The following CFAP44 variants were observed in gnomAD, a reference collection of about 807,000 sequenced individuals.
CFAP44 encodes the protein cilia- and flagella-associated protein 44.
In CFAP44, 134 loss-of-function variants were observed where a neutral mutation model predicts 216.2. The ratio of observed to expected loss-of-function variants is 0.62; its 90% CI spans 0.54 to 0.72. The LOEUF (loss-of-function observed/expected upper bound fraction) is 0.72, where lower values mean the gene tolerates loss of function less well. CFAP44 is among the 30% of genes least tolerant of loss of function. CFAP44 has a pLI of 0.00. For synonymous variants in CFAP44, 700 were observed against 727.6 expected (o/e 0.96, Z 0.61); for missense variants, 2,035 against 2,182.1 (o/e 0.93, Z 1.34).
intron 6 of CFAP44, among the ~76,000 whole-genome samples, chr3:113,410,080 C>T (rs939265385): frequency 6.6e-6 from 1 of 152,160 alleles, no homozygotes; most frequent in African/African-American, 2.4e-5. Flanking sequence ...CTCAGCCAAG[C>T]AGCCCAAGCC....
At chr3:113,384,955 T>G (rs557072440) in intron 15 of CFAP44, among the ~76,000 whole-genome samples, 1 of 152,320 alleles carries the variant, frequency 6.6e-6, no homozygotes, top group African/African-American at 2.4e-5. Flanking sequence ...AGTTTCATCT[T>G]GAATTGTAGC....
intron 15 of CFAP44, among the ~76,000 whole-genome samples, chr3:113,393,619 G>A (rs943355533): frequency 2.2e-4 from 34 of 152,066 alleles, no homozygotes; most frequent in African/African-American, 8.0e-4. Flanking sequence ...AGCCTCAAGC[G>A]ATCCTCCCAC....
At chr3:113,408,989 A>T in intron 7 of CFAP44, 117 bp downstream of exon 7, 1 of 678,062 alleles carries the variant, frequency 1.5e-6, no homozygotes, top group Non-Finnish European at 2.3e-6. Flanking sequence ...AAATAATTCT[A>T]ATGTTAACCA....
intron 32 of CFAP44, 127 bp downstream of exon 32, chr3:113,303,789 T>A: frequency 1.0e-6 from 1 of 1,004,556 alleles, no homozygotes; most frequent in Non-Finnish European, 1.4e-6. Context: ...TGTTGTGGTG[T>A]TCTTGTTTCC....
intron 28 of CFAP44, among the ~76,000 whole-genome samples, chr3:113,309,556 A>G (rs1360225095): frequency 2.0e-5 from 3 of 152,132 alleles, no homozygotes; most frequent in Admixed American, 6.5e-5. Context: ...TGAACACAAA[A>G]ATACATCTGT....
At position 113,303,963 on chromosome 3, in the gene CFAP44, C is replaced by G. The variant is rs997360208; in HGVS notation, c.5030G>C (p.Arg1677Pro). ...TCTCTTTTCTCGGATGAGCTGTTTA[C>G]GTCTCTCTCTCCATTCTTTGTTAAG... ...QKLNKEWRER[R>P]KQLIREKREM... The change falls in exon 32 of 35, where the codon CGT (arginine) becomes CCT (proline). Residue 1677 changes from arginine to proline, a missense_variant. Transcript: ENST00000393845. 6.5e-7 allele frequency: 1 copy of G among 1,537,734 alleles called. No homozygotes were observed. The highest frequency in any genetic ancestry group is 8.7e-7 in the Non-Finnish European group (1 of 1,147,026).
chr3:113,406,885 G>A, intron 8 of CFAP44, 42 bp downstream of exon 8: 1 of 1,476,182 alleles, frequency 6.8e-7, no homozygotes, highest in Non-Finnish European at 9.4e-7. Context: ...ATATGTACTT[G>A]AAAACACAAT....
chr3:113,433,542 G>A (rs748565207), intron 2 of CFAP44, 23 bp downstream of exon 2: 1 of 1,408,202 alleles, frequency 7.1e-7, no homozygotes, highest in Admixed American at 1.8e-5. Context: ...ACTTTTAAAA[G>A]TATACATATT....
intron 24 of CFAP44, among the ~76,000 whole-genome samples, chr3:113,334,142 G>C (rs970137726): frequency 3.3e-5 from 5 of 151,990 alleles, no homozygotes; most frequent in Non-Finnish European, 7.4e-5. Context: ...AGTAGAGACG[G>C]GGTTTCATCA....
intron 27 of CFAP44, among the ~76,000 whole-genome samples, chr3:113,327,074 ACTAT>A (rs1230223049): frequency 6.6e-6 from 1 of 152,152 alleles, no homozygotes; most frequent in African/African-American, 2.4e-5. Flanking sequence ...TTTAGCATAT[ACTAT>A]CTGTTTAATA....
At chr3:113,374,851 G>A (rs935971255) in intron 17 of CFAP44, among the ~76,000 whole-genome samples, 1 of 152,124 alleles carries the variant, frequency 6.6e-6, no homozygotes, top group Non-Finnish European at 1.5e-5. Flanking sequence ...GGCCAGGCTG[G>A]TCTGGAACTC....
chr3:113,369,743 G>A (rs1933085501), intron 18 of CFAP44, among the ~76,000 whole-genome samples: 1 of 151,806 alleles, frequency 6.6e-6, no homozygotes, highest in Admixed American at 6.6e-5. Flanking sequence ...CAGAACTGAA[G>A]GAGATAGAGA....
chr3:113,351,830 A>G (rs965379337), intron 22 of CFAP44, among the ~76,000 whole-genome samples: 2 of 152,172 alleles, frequency 1.3e-5, no homozygotes, highest in African/African-American at 4.8e-5. Flanking sequence ...TGTTTCCTCC[A>G]GAATCGATGC....
intron 18 of CFAP44, among the ~76,000 whole-genome samples, chr3:113,369,247 T>C (rs539257257): frequency 7.9e-5 from 12 of 152,268 alleles, no homozygotes; most frequent in Admixed American, 5.9e-4. Flanking sequence ...TAGACATCTA[T>C]AGAACTCTCC....
chr3:113,356,299 T>A (rs1235170014), intron 22 of CFAP44, among the ~76,000 whole-genome samples: 2 of 151,886 alleles, frequency 1.3e-5, no homozygotes, highest in African/African-American at 2.4e-5. Flanking sequence ...AATAGGAATT[T>A]ATTTCTTAAT....
chr3:113,419,449 C>T (rs1186940070), intron 5 of CFAP44, among the ~76,000 whole-genome samples: 1 of 152,114 alleles, frequency 6.6e-6, no homozygotes, highest in East Asian at 1.9e-4. Context: ...TATTGCTGAA[C>T]TTATTAATTA....
rs1042827628 is a variant in CFAP44, at chr3:113,305,304, A to G, written c.4759-152T>C. On this transcript the variant is annotated intron_variant, in intron 30 of 34. Coordinates refer to ENST00000393845, the MANE Select transcript of CFAP44 (RefSeq NM_001164496.2). ...AGTGCATGATCCCAGTTTGCAACTC[A>G]GGAATGCATATTATTTTCTTTCTGC... is the stretch of plus-strand genomic sequence containing the variant. Among the ~76,000 whole-genome samples, 4 of 152,230 alleles carry G rather than the reference A, an allele frequency of 2.6e-5. No individual in the cohort carries two copies. The East Asian group carries it at 7.7e-4, about 29-fold the overall frequency.
chr3:113,343,031 C>A (rs1371681564), intron 23 of CFAP44, among the ~76,000 whole-genome samples: 2 of 147,636 alleles, frequency 1.4e-5, no homozygotes, highest in Non-Finnish European at 3.0e-5. Context: ...GCTGTATCAA[C>A]TAACAAGTTT....
chr3:113,311,630 G>A (rs540309937), intron 28 of CFAP44, among the ~76,000 whole-genome samples: 1 of 152,216 alleles, frequency 6.6e-6, no homozygotes, highest in African/African-American at 2.4e-5. Context: ...ACAGTAAATT[G>A]GAACCAGTAG....
Sources: gnomAD v4.1 joint callset for allele counts (sites outside exome capture counted in the v4.1 genomes callset) on GRCh38, gnomAD v4.1.1 for gene constraint, MANE v1.5 for transcripts, NCBI Gene and HGNC (gene_info 2026-07-23, HGNC 2026-07-21) for gene names.